The following PKIB variants were observed in gnomAD, a reference collection of about 807,000 sequenced individuals.
PKIB encodes cAMP-dependent protein kinase inhibitor beta, also known as PKI-beta.
PKIB carries 2 observed loss-of-function variants against 4.5 expected under a neutral mutation model. That is an observed-to-expected ratio of 0.44 (90% confidence interval 0.18 to 1.39). The LOEUF is 1.39. Among genes scored for constraint, PKIB ranks in the 40% most tolerant of loss-of-function variants. The pLI, the probability that PKIB is intolerant of heterozygous loss-of-function variation, is 0.27. For synonymous variants in PKIB, 38 were observed against 36.0 expected (o/e 1.06, Z -0.20); for missense variants, 94 against 92.6 (o/e 1.02, Z -0.06).
intron 2 of PKIB, among the ~76,000 whole-genome samples, chr6:122,539,728 A>T (rs996390573): frequency 6.6e-6 from 1 of 151,800 alleles, no homozygotes; most frequent in African/African-American, 2.4e-5. Flanking sequence ...CTCTTTTTCT[A>T]TTGATTGGAA....
chr6:122,706,408 C>G (rs1303582327), intron 3 of PKIB, among the ~76,000 whole-genome samples: 3 of 152,134 alleles, frequency 2.0e-5, no homozygotes, highest in Admixed American at 2.0e-4. Context: ...CCCACTGTTT[C>G]TATCACAATG....
intron 1 of PKIB, among the ~76,000 whole-genome samples, chr6:122,611,321 A>G (rs564453282): frequency 1.3e-5 from 2 of 152,298 alleles, no homozygotes; most frequent in East Asian, 1.9e-4. Context: ...CGGTCTTCGT[A>G]GAGCTCCCCG....
chr6:122,477,126 T>C (rs1775468558), intron 1 of PKIB, among the ~76,000 whole-genome samples: 1 of 152,200 alleles, frequency 6.6e-6, no homozygotes, highest in South Asian at 2.1e-4. Flanking sequence ...CTTAATAGAA[T>C]GTTTTACATT....
chr6:122,472,422 ATTAG>A lies in PKIB; in HGVS notation c.-337+386_-337+389del, dbSNP rs796196249. Among the ~76,000 whole-genome samples the A allele has an allele frequency of 4.3e-4, 63 of 148,018 alleles. 1 individual carries two copies. Among genetic ancestry groups the A allele is most frequent in the African/African-American group, 1.4e-3 (54 of 39,916 alleles). ...AATTTGCACGTTAAAATTATTTTTA[ATTAG>A]TTAGATAAGACATTATCAAACTCAA... On this transcript the variant is annotated intron_variant, in intron 1 of 6. Coordinates refer to the PKIB transcript ENST00000392491.
intron 1 of PKIB, among the ~76,000 whole-genome samples, chr6:122,628,609 G>T (rs1775563378): frequency 6.6e-6 from 1 of 152,200 alleles, no homozygotes. Flanking sequence ...TTAATAGCTA[G>T]TATAAATGTT....
chr6:122,648,822 G>A (rs918274645), intron 2 of PKIB, among the ~76,000 whole-genome samples: 1 of 152,104 alleles, frequency 6.6e-6, no homozygotes, highest in African/African-American at 2.4e-5. Context: ...TACCATATTG[G>A]GGACTCAGTG....
intron 3 of PKIB, among the ~76,000 whole-genome samples, chr6:122,598,281 G>A (rs934422804): frequency 6.6e-6 from 1 of 152,136 alleles, no homozygotes; most frequent in Non-Finnish European, 1.5e-5. Flanking sequence ...TAGGCATGCA[G>A]TAGGCTTCCT....
chr6:122,633,017 A>C (rs1775761508), intron 1 of PKIB, among the ~76,000 whole-genome samples: 1 of 152,242 alleles, frequency 6.6e-6, no homozygotes, highest in African/African-American at 2.4e-5. Context: ...GAACAAAATA[A>C]TACAAAGAAA....
intron 2 of PKIB, among the ~76,000 whole-genome samples, chr6:122,672,377 A>G (rs1241061275): frequency 6.6e-6 from 1 of 152,198 alleles, no homozygotes; most frequent in Non-Finnish European, 1.5e-5. Context: ...GAACTAAATG[A>G]CATTCAACAT....
At chr6:122,592,655 T>C (rs1774054214) in intron 3 of PKIB, among the ~76,000 whole-genome samples, 1 of 152,198 alleles carries the variant, frequency 6.6e-6, no homozygotes, top group Non-Finnish European at 1.5e-5. Context: ...ACTAAGATTA[T>C]GGTGCAAAGA....
chr6:122,551,018 A>C (rs1318276742), intron 2 of PKIB, among the ~76,000 whole-genome samples: 1 of 152,146 alleles, frequency 6.6e-6, no homozygotes, highest in Non-Finnish European at 1.5e-5. Flanking sequence ...AATTAATTTG[A>C]TTCCTCATCT....
rs113265298 is a variant in PKIB, at chr6:122,486,717, A to G, written c.-248+8778A>G. On this transcript the variant is annotated intron_variant, in intron 2 of 6. Coordinates refer to the PKIB transcript ENST00000392491. ...TCTAGTTAGAGTGAATTTTATTAATACATTTTTAATTTTATGGCAGAGTAT... is the reference window on the plus strand; with the variant it reads ...TCTAGTTAGAGTGAATTTTATTAATGCATTTTTAATTTTATGGCAGAGTAT... Among the ~76,000 whole-genome samples the G allele has an allele frequency of 5.0e-3, 766 of 152,290 alleles. 8 individuals carry two copies. The highest frequency in any genetic ancestry group is 0.017 in the African/African-American group (713 of 41,576).
chr6:122,724,829 T>C (rs909000917), intron 4 of PKIB, among the ~76,000 whole-genome samples: 3 of 152,178 alleles, frequency 2.0e-5, no homozygotes, highest in African/African-American at 4.8e-5. Context: ...CACTAGTCTC[T>C]GACTTTGGAC....
In PKIB at chr6:122,509,039, G is replaced by A. The variant is rs533495868; in HGVS notation, c.-248+31100G>A. 2.8e-3 allele frequency among the ~76,000 whole-genome samples: 423 copies of A among 152,100 alleles called. 1 individual carries two copies. The highest frequency in any genetic ancestry group is 9.7e-3 in the African/African-American group (403 of 41,494). On this transcript the variant is annotated intron_variant, in intron 2 of 6. Transcript: ENST00000392491. ...GCTGGGATTACAGGCGTGAGCCACC[G>A]CGCCCGGCCTAAAATTTTTTAATAC...
chr6:122,600,550 CAGAT>C (rs3057002), intron 3 of PKIB, among the ~76,000 whole-genome samples: 30,263 of 152,032 alleles, frequency 0.2, 3,511 homozygotes, highest in Non-Finnish European at 0.27. Flanking sequence ...CAAGAGACAT[CAGAT>C]AGAGTATTCA....
At chr6:122,525,312 T>C (rs2114607895) in intron 2 of PKIB, among the ~76,000 whole-genome samples, 1 of 152,324 alleles carries the variant, frequency 6.6e-6, no homozygotes. Context: ...ATTGAAAAAA[T>C]ACTTTGTATG....
chr6:122,633,979 T>TATCTATCC (rs1554226658), intron 2 of PKIB, among the ~76,000 whole-genome samples: 6 of 148,496 alleles, frequency 4.0e-5, no homozygotes, highest in African/African-American at 5.0e-5. Context: ...TCTATCCATC[T>TATCTATCC]ATCTATGACA....
intron 4 of PKIB, among the ~76,000 whole-genome samples, chr6:122,724,447 CT>C (rs1779864112): frequency 6.6e-6 from 1 of 152,128 alleles, no homozygotes; most frequent in African/African-American, 2.4e-5. Flanking sequence ...ATGTTCTATT[CT>C]TGCTGTCTTG....
chr6:122,709,935 C>T (rs1241981744), intron 3 of PKIB, among the ~76,000 whole-genome samples: 1 of 152,160 alleles, frequency 6.6e-6, no homozygotes, highest in Non-Finnish European at 1.5e-5. Context: ...CATTAGTCTA[C>T]AGCCTGACTC....
Sources: allele counts gnomAD v4.1 joint callset (sites outside exome capture counted in the v4.1 genomes callset), GRCh38; gene constraint gnomAD v4.1.1; transcripts MANE v1.5; gene names NCBI Gene and HGNC (gene_info 2026-07-23, HGNC 2026-07-21).